SLC10A7: variants seen among roughly 807,000 people sequenced by gnomAD.
SLC10A7 encodes sodium/bile acid cotransporter 7.
SLC10A7 carries 29 observed loss-of-function variants against 43.2 expected under a neutral mutation model. The ratio of observed to expected loss-of-function variants is 0.67; its 90% CI spans 0.50 to 0.92. The LOEUF is 0.92. Ranked by LOEUF, SLC10A7 falls within the 40% of genes least tolerant of loss-of-function variation. The pLI, the probability that SLC10A7 is intolerant of heterozygous loss-of-function variation, is 0.00. For missense variants in SLC10A7, 295 were observed against 403.2 expected (o/e 0.73, Z 2.30); for synonymous variants, 152 against 144.8 (o/e 1.05, Z -0.35).
chr4:146,466,251 CAGA>C lies in SLC10A7; in HGVS notation c.397-23433_397-23431del, dbSNP rs1486457286. On this transcript the variant is annotated intron_variant, in intron 4 of 11. Coordinates refer to ENST00000335472, the MANE Select transcript of SLC10A7 (RefSeq NM_001029998.6). ...ATTATCTGAAATGCAAATTGGAGTC[CAGA>C]AGAAGATGTTTAATAAAAACGTATA... is the stretch of plus-strand genomic sequence containing the variant. Among the ~76,000 whole-genome samples, 5 of 152,158 alleles carry C rather than the reference CAGA, an allele frequency of 3.3e-5. 1 individual carries two copies. Among genetic ancestry groups the C allele is most frequent in the South Asian group, 4.2e-4 (2 of 4,812 alleles).
chr4:146,473,114 T>A (rs532920006), intron 4 of SLC10A7, among the ~76,000 whole-genome samples: 1 of 152,326 alleles, frequency 6.6e-6, no homozygotes, highest in Admixed American at 6.5e-5. Context: ...TTAAATGTAG[T>A]TTTTAATTCT....
At chr4:146,273,456 C>T (rs1729014868) in intron 10 of SLC10A7, among the ~76,000 whole-genome samples, 1 of 152,110 alleles carries the variant, frequency 6.6e-6, no homozygotes, top group African/African-American at 2.4e-5. Flanking sequence ...TGATCTTACC[C>T]TAACCCCCCT....
At chr4:146,448,133 G>A (rs1731268316) in intron 4 of SLC10A7, among the ~76,000 whole-genome samples, 1 of 151,270 alleles carries the variant, frequency 6.6e-6, no homozygotes, top group Non-Finnish European at 1.5e-5. Flanking sequence ...CGAGTTAATG[G>A]GTGCAGCACA....
chr4:146,292,861 T>C, intron 9 of SLC10A7, 68 bp downstream of exon 9: 1 of 1,118,814 alleles, frequency 8.9e-7, no homozygotes, highest in Non-Finnish European at 1.3e-6. Flanking sequence ...TATAGTGGCA[T>C]AGTAGCCAAG....
chr4:146,365,087 C>CA (rs1736303497), intron 5 of SLC10A7, among the ~76,000 whole-genome samples: 1 of 151,864 alleles, frequency 6.6e-6, no homozygotes, highest in Admixed American at 6.6e-5. Context: ...ATCAAAGTAT[C>CA]AAAGAAATCT....
intron 4 of SLC10A7, among the ~76,000 whole-genome samples, chr4:146,501,359 T>G (rs1247748458): frequency 6.6e-6 from 1 of 152,220 alleles, no homozygotes; most frequent in African/African-American, 2.4e-5. Context: ...TGGCTGACAT[T>G]ACAAGTATTC....
At chr4:146,329,690 A>G (rs1338187921) in intron 5 of SLC10A7, among the ~76,000 whole-genome samples, 1 of 152,252 alleles carries the variant, frequency 6.6e-6, no homozygotes, top group Non-Finnish European at 1.5e-5. Flanking sequence ...TTGATAACAT[A>G]AAACAAATTA....
chr4:146,361,194 G>T (rs780596604), intron 5 of SLC10A7, among the ~76,000 whole-genome samples: 1 of 152,052 alleles, frequency 6.6e-6, no homozygotes, highest in Non-Finnish European at 1.5e-5. Context: ...AATCTATCTT[G>T]CTTCTTATTG....
At chr4:146,261,642 G>A (rs551914845) in intron 10 of SLC10A7, among the ~76,000 whole-genome samples, 30 of 152,074 alleles carry the variant, frequency 2.0e-4, no homozygotes, top group Middle Eastern at 3.4e-3. Flanking sequence ...TTGCAGCTGC[G>A]GCCAAAATTT....
intron 10 of SLC10A7, among the ~76,000 whole-genome samples, chr4:146,274,432 C>T (rs1729081946): frequency 2.0e-5 from 3 of 151,926 alleles, no homozygotes; most frequent in Non-Finnish European, 2.9e-5. Context: ...TCAATCTCTT[C>T]ACCTCAGGTG....
chr4:146,312,570 C>T (rs1406158040), intron 6 of SLC10A7, among the ~76,000 whole-genome samples: 1 of 152,144 alleles, frequency 6.6e-6, no homozygotes, highest in Non-Finnish European at 1.5e-5. Flanking sequence ...CTTTGGTCAA[C>T]ATCTCCCCAT....
chr4:146,371,006 T>C (rs1736736439), intron 5 of SLC10A7, among the ~76,000 whole-genome samples: 1 of 152,188 alleles, frequency 6.6e-6, no homozygotes, highest in Non-Finnish European at 1.5e-5. Context: ...TGGAAGAACC[T>C]CAGAATTGAG....
At chr4:146,403,177 CAGATTT>C (rs1739340255) in intron 5 of SLC10A7, among the ~76,000 whole-genome samples, 1 of 152,150 alleles carries the variant, frequency 6.6e-6, no homozygotes, top group South Asian at 2.1e-4. Flanking sequence ...TATACAGGTG[CAGATTT>C]AGTTAAACTT....
At chr4:146,327,351 G>A (rs942818893) in intron 5 of SLC10A7, among the ~76,000 whole-genome samples, 2 of 152,164 alleles carry the variant, frequency 1.3e-5, no homozygotes, top group African/African-American at 4.8e-5. Context: ...AACAGGTATT[G>A]TGGCCTATCA....
At chr4:146,473,662 A>C (rs1348276481) in intron 4 of SLC10A7, among the ~76,000 whole-genome samples, 2 of 152,150 alleles carry the variant, frequency 1.3e-5, no homozygotes, top group Non-Finnish European at 2.9e-5. Flanking sequence ...TATTTAAAAG[A>C]GCATGAGACT....
intron 5 of SLC10A7, among the ~76,000 whole-genome samples, chr4:146,328,592 G>C (rs1189039935): frequency 6.6e-6 from 1 of 152,148 alleles, no homozygotes; most frequent in Non-Finnish European, 1.5e-5. Flanking sequence ...CCAGGCCTGA[G>C]GATAGGTCCA....
At chr4:146,296,497 A>G (rs1460734081) in intron 7 of SLC10A7, among the ~76,000 whole-genome samples, 1 of 152,156 alleles carries the variant, frequency 6.6e-6, no homozygotes, top group African/African-American at 2.4e-5. Context: ...CAATCCTTCT[A>G]GCCAAAATGT....
intron 5 of SLC10A7, among the ~76,000 whole-genome samples, chr4:146,328,850 T>C (rs1242179733): frequency 6.6e-6 from 1 of 152,068 alleles, no homozygotes; most frequent in Non-Finnish European, 1.5e-5. Flanking sequence ...ATCTATAAAA[T>C]TGGAAGAAGC....
At chr4:146,325,936 T>C in intron 6 of SLC10A7, 25 bp downstream of exon 6, 2 of 1,600,322 alleles carry the variant, frequency 1.2e-6, no homozygotes, top group Non-Finnish European at 8.5e-7. Flanking sequence ...ATAAAATATA[T>C]TAAAGACAAC....
Sources: allele counts gnomAD v4.1 joint callset (sites outside exome capture counted in the v4.1 genomes callset), GRCh38; gene constraint gnomAD v4.1.1; transcripts MANE v1.5; gene names NCBI Gene and HGNC (gene_info 2026-07-23, HGNC 2026-07-21).